The following JAK1 variants were observed in gnomAD, a reference collection of about 807,000 sequenced individuals.
JAK1 encodes the protein Janus kinase 1.
A neutral mutation model predicts 136.6 loss-of-function variants in JAK1; 16 were observed. That is an observed-to-expected ratio of 0.12 (90% CI 0.08 to 0.18). JAK1 has a LOEUF of 0.18. Ranked by LOEUF, JAK1 falls within the 10% of genes least tolerant of loss-of-function variation. The pLI is 1.00. For synonymous variants in JAK1, 492 were observed against 519.5 expected (o/e 0.95, Z 0.72); for missense variants, 859 against 1,450.1 (o/e 0.59, Z 6.62).
At chr1:64,847,102 C>T (rs965100143) in intron 13 of JAK1, among the ~76,000 whole-genome samples, 1 of 152,222 alleles carries the variant, frequency 6.6e-6, no homozygotes, top group Non-Finnish European at 1.5e-5. Flanking sequence ...TGAAGGCAGC[C>T]GATCTCTGCT....
chr1:65,063,618 A>G (rs1647908709), intron 1 of JAK1, among the ~76,000 whole-genome samples: 1 of 152,196 alleles, frequency 6.6e-6, no homozygotes, highest in South Asian at 2.1e-4. Context: ...AGCCTGGCCA[A>G]CGTGGGGAAA....
intron 12 of JAK1, among the ~76,000 whole-genome samples, chr1:64,849,621 T>A (rs1655461923): frequency 6.6e-6 from 1 of 152,242 alleles, no homozygotes; most frequent in Non-Finnish European, 1.5e-5. Flanking sequence ...CTAACGTGAT[T>A]ACCCCCTCAA....
rs533287260 is a variant in JAK1 at position 64,999,013 on chromosome 1, C to T, written c.-78+45467G>A. On this transcript the variant is annotated intron_variant, in intron 2 of 25. Coordinates refer to the JAK1 transcript ENST00000671954. ...ATGGTAGTAAATTTGATTCATTTTT[C>T]TGCAGTTTTCATTTCAATACTCATT... 3.3e-5 allele frequency among the ~76,000 whole-genome samples: 5 copies of T among 152,258 alleles called. No individual in the cohort carries two copies. In the East Asian group the frequency reaches 7.7e-4, roughly 23 times the overall value.
rs112601255 is a variant in JAK1 at position 64,868,171 on chromosome 1, C to T, written c.648-963G>A. Among the ~76,000 whole-genome samples the T allele has an allele frequency of 2.4e-3, 372 of 152,222 alleles. 1 individual carries two copies. The highest frequency in any genetic ancestry group is 8.5e-3 in the African/African-American group (353 of 41,524). ...AGTTACCTATCCAGGTGCTAGTGGG[C>T]GAGTATCTACAACAAACAGAATCTA... On this transcript the variant is annotated intron_variant, in intron 6 of 24. Coordinates refer to ENST00000342505, the MANE Select transcript of JAK1 (RefSeq NM_002227.4).
At chr1:64,923,374 G>A (rs1427567348) in intron 1 of JAK1, among the ~76,000 whole-genome samples, 2 of 152,132 alleles carry the variant, frequency 1.3e-5, no homozygotes, top group African/African-American at 4.8e-5. Context: ...GAGACCACAA[G>A]TGATTACACA....
intron 1 of JAK1, among the ~76,000 whole-genome samples, chr1:65,050,085 C>T (rs1047550398): frequency 2.0e-5 from 3 of 152,116 alleles, no homozygotes; most frequent in East Asian, 3.9e-4. Context: ...ATTTTGAACA[C>T]CTTGTTTTTA....
intron 2 of JAK1, among the ~76,000 whole-genome samples, chr1:65,015,022 G>GCATTTCATT (rs1646881871): frequency 6.6e-6 from 1 of 152,084 alleles, no homozygotes; most frequent in South Asian, 2.1e-4. Context: ...AATCTTTCAA[G>GCATTTCATT]AATGAGGGCA....
At chr1:64,836,522 C>T (rs1310657781) in intron 22 of JAK1, among the ~76,000 whole-genome samples, 1 of 151,958 alleles carries the variant, frequency 6.6e-6, no homozygotes, top group Non-Finnish European at 1.5e-5. Flanking sequence ...TAATGATGAG[C>T]CCCAGGTCTG....
intron 2 of JAK1, among the ~76,000 whole-genome samples, chr1:65,001,334 C>A (rs1324055423): frequency 6.6e-6 from 1 of 152,220 alleles, no homozygotes; most frequent in African/African-American, 2.4e-5. Context: ...CAGCCTCCGC[C>A]AGCAGAGGCC....
chr1:64,969,696 T>C (rs1316910792), upstream of JAK1, among the ~76,000 whole-genome samples: 2 of 152,178 alleles, frequency 1.3e-5, no homozygotes, highest in Admixed American at 1.3e-4. Flanking sequence ...TGATTAGATG[T>C]GGCTACTGAG....
intron 14 of JAK1, among the ~76,000 whole-genome samples, chr1:64,845,846 G>A (rs1655196953): frequency 1.3e-5 from 2 of 152,198 alleles, no homozygotes; most frequent in African/African-American, 4.8e-5. Flanking sequence ...CACTGAGCAA[G>A]TGACACTTCT....
At chr1:65,063,804 C>CAAAAAAAA in intron 1 of JAK1, among the ~76,000 whole-genome samples, 1 of 81,370 alleles carries the variant, frequency 1.2e-5, no homozygotes, top group Non-Finnish European at 2.7e-5. Flanking sequence ...GACTCTATCT[C>CAAAAAAAA]AAAAAAAAAA....
intron 1 of JAK1, among the ~76,000 whole-genome samples, chr1:64,950,010 T>G (rs568810691): frequency 6.6e-6 from 1 of 152,334 alleles, no homozygotes; most frequent in South Asian, 2.1e-4. Context: ...GACAGGTATA[T>G]GTATCCAGCA....
chr1:65,005,934 A>T (rs1646800411), intron 2 of JAK1, among the ~76,000 whole-genome samples: 1 of 152,340 alleles, frequency 6.6e-6, no homozygotes, highest in African/African-American at 2.4e-5. Flanking sequence ...TTTAAAAGTC[A>T]TAATAATTAA....
chr1:64,839,537 A>G, intron 20 of JAK1, 66 bp downstream of exon 20: 2 of 1,436,802 alleles, frequency 1.4e-6, no homozygotes, highest in African/African-American at 2.8e-5. Flanking sequence ...CCTGTTTTGC[A>G]CTGGCCTTTA....
At chr1:65,024,977 CA>C (rs576721639) in intron 2 of JAK1, among the ~76,000 whole-genome samples, 7 of 148,514 alleles carry the variant, frequency 4.7e-5, no homozygotes, top group South Asian at 2.1e-4. Context: ...AACTCTGTCT[CA>C]AAAAAAAAAG....
intron 2 of JAK1, among the ~76,000 whole-genome samples, chr1:64,971,783 G>A (rs943184425): frequency 2.0e-5 from 3 of 152,004 alleles, no homozygotes; most frequent in Non-Finnish European, 2.9e-5. Context: ...GGTCTCAAAC[G>A]CCTGACCTCA....
At chr1:64,839,084 T>C (rs1355536305) in intron 20 of JAK1, among the ~76,000 whole-genome samples, 1 of 139,504 alleles carries the variant, frequency 7.2e-6, no homozygotes. Context: ...AGGCGGAGCT[T>C]GCAGTGAGCC....
chr1:64,892,343 C>A (rs1276534882), intron 1 of JAK1, among the ~76,000 whole-genome samples: 1 of 152,086 alleles, frequency 6.6e-6, no homozygotes, highest in Non-Finnish European at 1.5e-5. Flanking sequence ...TATAGTGGCA[C>A]AATCATGGCT....
Sources: allele counts gnomAD v4.1 joint callset (sites outside exome capture counted in the v4.1 genomes callset), GRCh38; gene constraint gnomAD v4.1.1; transcripts MANE v1.5; gene names NCBI Gene and HGNC (gene_info 2026-07-23, HGNC 2026-07-21).